The following MID1 variants were observed in gnomAD, a reference collection of about 807,000 sequenced individuals.
The protein encoded by MID1 is midline 1.
MID1 carries 7 observed loss-of-function variants against 40.4 expected under a neutral mutation model. The observed-to-expected ratio is 0.17, with a 90% CI of 0.10 to 0.33. MID1 has a LOEUF of 0.33. Among genes scored for constraint, MID1 ranks in the 10% least tolerant of loss-of-function variants. MID1 has a pLI of 1.00. For missense variants in MID1, 367 were observed against 558.5 expected (o/e 0.66, Z 3.46); for synonymous variants, 229 against 221.2 (o/e 1.04, Z -0.31).
At chrX:10,575,944 C>A (rs1167920663) in intron 1 of MID1, among the ~76,000 whole-genome samples, 2 of 109,033 alleles carry the variant, frequency 1.8e-5, no homozygotes, top group African/African-American at 6.7e-5. Flanking sequence ...ATTTGCTCAA[C>A]CAGTAACAGA....
At chrX:10,479,898 G>A (rs1930223046) in intron 5 of MID1, among the ~76,000 whole-genome samples, 1 of 111,631 alleles carries the variant, frequency 9.0e-6, no homozygotes, top group Non-Finnish European at 1.9e-5. Flanking sequence ...TTAATTTTTG[G>A]ATTTTTGAGG....
intron 1 of MID1, among the ~76,000 whole-genome samples, chrX:10,746,082 C>T (rs886648908): frequency 9.0e-6 from 1 of 111,572 alleles, no homozygotes; most frequent in African/African-American, 3.3e-5. Context: ...ATATTTGATA[C>T]GGGTTTTGAC....
chrX:10,773,041 A>G (rs188418499), intron 1 of MID1, among the ~76,000 whole-genome samples: 7 of 111,988 alleles, frequency 6.3e-5, no homozygotes, highest in Non-Finnish European at 1.3e-4. Context: ...GCTGAAAGAT[A>G]ACTGTAAATG....
intron 1 of MID1, among the ~76,000 whole-genome samples, chrX:10,763,686 T>C (rs545151546): frequency 1.8e-5 from 2 of 111,874 alleles, no homozygotes; most frequent in African/African-American, 6.5e-5. Flanking sequence ...TACCCAGTGA[T>C]GGGATGGCTG....
chrX:10,660,582 T>G (rs1469011775), intron 1 of MID1, among the ~76,000 whole-genome samples: 4 of 112,653 alleles, frequency 3.6e-5, no homozygotes, highest in Non-Finnish European at 7.5e-5. Flanking sequence ...CAAAGCCCTT[T>G]CTTTTGTTTT....
intron 1 of MID1, among the ~76,000 whole-genome samples, chrX:10,640,081 T>C (rs761971571): frequency 8.1e-5 from 9 of 111,673 alleles, no homozygotes; most frequent in Non-Finnish European, 1.7e-4. Context: ...GTAAAGACCA[T>C]CAGTGCTAGG....
At chrX:10,676,119 G>A (rs1487431105) in intron 1 of MID1, among the ~76,000 whole-genome samples, 1 of 111,747 alleles carries the variant, frequency 8.9e-6, no homozygotes, top group Admixed American at 9.5e-5. Context: ...CAGAAGGACC[G>A]GGTTTTTCTC....
In MID1 at chrX:10,525,445, T is replaced by C. The variant is rs138146987; in HGVS notation, c.661-2258A>G. Among the ~76,000 whole-genome samples the C allele has an allele frequency of 7.5e-3, 841 of 112,179 alleles. 9 individuals are homozygous for C. The highest frequency in any genetic ancestry group is 0.025 in the African/African-American group (773 of 30,898). On this transcript the variant is annotated intron_variant, in intron 2 of 9. Coordinates refer to ENST00000317552, the MANE Select transcript of MID1 (RefSeq NM_000381.4). The stretch of plus-strand genomic sequence containing the variant: ...CTCCATAATCTCAAAACAACTAAAC[T>C]TACTTATTCTTAAGCTCTTTTGAGA...
At chrX:10,596,147 C>T (rs1156422710) in intron 1 of MID1, among the ~76,000 whole-genome samples, 1 of 111,938 alleles carries the variant, frequency 8.9e-6, no homozygotes, top group African/African-American at 3.2e-5. Flanking sequence ...TCATGTGTTC[C>T]TTCTTCACCA....
intron 1 of MID1, among the ~76,000 whole-genome samples, chrX:10,745,847 A>G (rs2043553765): frequency 8.9e-6 from 1 of 112,455 alleles, no homozygotes; most frequent in Non-Finnish European, 1.9e-5. Flanking sequence ...ATTTCTACAC[A>G]TGTAAAGAAG....
chrX:10,714,573 T>C (rs2043288485), intron 1 of MID1, among the ~76,000 whole-genome samples: 1 of 112,931 alleles, frequency 8.9e-6, no homozygotes. Context: ...GTTAATCGAA[T>C]CTGGAACATT....
chrX:10,665,914 A>G (rs1023138577), intron 1 of MID1, among the ~76,000 whole-genome samples: 1 of 109,615 alleles, frequency 9.1e-6, no homozygotes, highest in African/African-American at 3.3e-5. Context: ...GACACACGTG[A>G]CCTGATTTCA....
At position 10,482,841 on chromosome X, in the gene MID1, C is replaced by T. The variant is rs769435318; in HGVS notation, c.865-213G>A. Among the ~76,000 whole-genome samples the T allele has an allele frequency of 3.6e-4, 40 of 112,197 alleles. No homozygotes were observed. The South Asian group carries it at 0.015, about 42-fold the overall frequency. ...GGAGAAGCATTGCTAATTCGTTTTA[C>T]GAGGAAACACTGAATTGTGAATTGC... On this transcript the variant is annotated intron_variant, in intron 4 of 9. Coordinates refer to ENST00000317552, the MANE Select transcript of MID1 (RefSeq NM_000381.4).
intron 3 of MID1, among the ~76,000 whole-genome samples, chrX:10,512,091 G>T (rs191659778): frequency 1.3e-3 from 146 of 111,544 alleles, no homozygotes; most frequent in African/African-American, 4.4e-3. Context: ...TGGGAAGGAG[G>T]AAAAAAAGGA....
intron 1 of MID1, among the ~76,000 whole-genome samples, chrX:10,667,782 A>G (rs1393757800): frequency 9.0e-6 from 1 of 111,175 alleles, no homozygotes; most frequent in Non-Finnish European, 1.9e-5. Flanking sequence ...TAGTTGTATC[A>G]CCCAAAGAAC....
intron 1 of MID1, among the ~76,000 whole-genome samples, chrX:10,704,716 G>GTATATATATATATATATATATA (rs771605675): frequency 2.6e-5 from 2 of 78,095 alleles, no homozygotes; most frequent in Non-Finnish European, 4.7e-5. Flanking sequence ...GTGTGTGTGT[G>GTATATATATATATATATATATA]TATATATATA....
At chrX:10,523,333 T>C in intron 2 of MID1, 146 bp from the exon 3 acceptor site, 1 of 473,854 alleles carries the variant, frequency 2.1e-6, no homozygotes, top group South Asian at 3.3e-5. Context: ...TATTTATAGA[T>C]TTAAACTGGA....
chrX:10,490,381 G>C (rs997426976), intron 4 of MID1, among the ~76,000 whole-genome samples: 5 of 111,363 alleles, frequency 4.5e-5, no homozygotes, highest in Non-Finnish European at 9.4e-5. Context: ...CTTTTGTATT[G>C]TGATCTTATT....
chrX:10,462,581 T>G (rs2147270426), intron 7 of MID1, among the ~76,000 whole-genome samples: 1 of 112,475 alleles, frequency 8.9e-6, no homozygotes, highest in African/African-American at 3.2e-5. Context: ...TCCGACTCAG[T>G]TTAAAATAAC....
Sources: allele counts gnomAD v4.1 joint callset (sites outside exome capture counted in the v4.1 genomes callset), GRCh38; gene constraint gnomAD v4.1.1; transcripts MANE v1.5; gene names NCBI Gene and HGNC (gene_info 2026-07-23, HGNC 2026-07-21).